Variants in LRP1B observed in about 807,000 individuals in gnomAD.
The protein encoded by LRP1B is LDL receptor related protein 1B.
A neutral mutation model predicts 556.6 loss-of-function variants in LRP1B; 217 were observed. The ratio of observed to expected loss-of-function variants is 0.39; its 90% CI spans 0.35 to 0.44. The LOEUF (loss-of-function observed/expected upper bound fraction) is 0.44. Among genes scored for constraint, LRP1B ranks in the 20% least tolerant of loss-of-function variants. The pLI is 1.00. For synonymous variants in LRP1B, 2,047 were observed against 1,865.8 expected (o/e 1.10, Z -2.50); for missense variants, 5,053 against 5,620.8 (o/e 0.90, Z 3.23).
At position 140,252,062 on chromosome 2, in the gene LRP1B, CAAAAAAAAAA is replaced by C; in HGVS notation, c.13248-4910_13248-4901del. Reference sequence around the variant, plus strand: ...TTGCAGATAGTAGCATGACAAGATGCAAAAAAAAAAAAAAAAAAAAAAAAAAACCCAAAAA... The same window carrying C: ...TTGCAGATAGTAGCATGACAAGATGCAAAAAAAAAAAAAAAAACCCAAAAA... On this transcript the variant is annotated intron_variant, in intron 86 of 90. Coordinates refer to ENST00000389484, the MANE Select transcript of LRP1B (RefSeq NM_018557.3). 3.1e-3 allele frequency among the ~76,000 whole-genome samples: 57 copies of C among 18,562 alleles called. 1 individual carries two copies. Among genetic ancestry groups the C allele is most frequent in the Admixed American group, 7.3e-3 (7 of 954 alleles). 12.2% of individuals were successfully genotyped at this position (18,562 alleles called of 152,430 possible).
chr2:140,576,568 A>G (rs1681534045), intron 43 of LRP1B, among the ~76,000 whole-genome samples: 1 of 152,178 alleles, frequency 6.6e-6, no homozygotes, highest in African/African-American at 2.4e-5. Context: ...ACTTTTATTC[A>G]CCATATATAA....
At chr2:140,313,531 C>A (rs1684394241) in intron 83 of LRP1B, among the ~76,000 whole-genome samples, 1 of 149,934 alleles carries the variant, frequency 6.7e-6, no homozygotes, top group Non-Finnish European at 1.5e-5. Flanking sequence ...TTTACTTGGC[C>A]TAAATATTTC....
At chr2:142,025,000 T>A (rs16847940) in intron 1 of LRP1B, among the ~76,000 whole-genome samples, 2,928 of 152,264 alleles carry the variant, frequency 0.019, 93 homozygotes, top group African/African-American at 0.066. Flanking sequence ...TAGTTTAATA[T>A]AACATTAGGT....
At chr2:142,098,297 C>A (rs1369808188) in intron 1 of LRP1B, among the ~76,000 whole-genome samples, 2 of 151,730 alleles carry the variant, frequency 1.3e-5, no homozygotes, top group Admixed American at 1.3e-4. Context: ...AATCTTAAAT[C>A]TTTGTTGATG....
intron 41 of LRP1B, among the ~76,000 whole-genome samples, chr2:140,695,137 G>A (rs1018660353): frequency 6.6e-6 from 1 of 151,396 alleles, no homozygotes; most frequent in African/African-American, 2.4e-5. Flanking sequence ...TTGAATTTGA[G>A]CATCCTAAAG....
At chr2:141,294,447 G>C (rs1686101415) in intron 3 of LRP1B, among the ~76,000 whole-genome samples, 1 of 151,984 alleles carries the variant, frequency 6.6e-6, no homozygotes, top group Non-Finnish European at 1.5e-5. Flanking sequence ...AACAGGTTGG[G>C]TGCTGTGGCT....
At chr2:141,973,357 G>A (rs969242489) in intron 1 of LRP1B, among the ~76,000 whole-genome samples, 1 of 151,676 alleles carries the variant, frequency 6.6e-6, no homozygotes, top group Non-Finnish European at 1.5e-5. Context: ...AGAGTAATAC[G>A]AAATAGGCAG....
rs188747440 is a variant in LRP1B, at chr2:140,650,559, G to C, written c.6800-48920C>G. Among the ~76,000 whole-genome samples, 3 of 152,108 alleles carry C rather than the reference G, an allele frequency of 2.0e-5. No homozygotes were observed. In the East Asian group the frequency reaches 5.8e-4, roughly 29 times the overall value. ...AGACGGTGTTTCACCATGTTGGCCA[G>C]GTTGGTCTCAAACTCCTGAACTCAG... On this transcript the variant is annotated intron_variant, in intron 41 of 90. Coordinates refer to ENST00000389484, the MANE Select transcript of LRP1B (RefSeq NM_018557.3).
At chr2:140,253,148 T>C (rs1248608434) in intron 86 of LRP1B, among the ~76,000 whole-genome samples, 2 of 152,036 alleles carry the variant, frequency 1.3e-5, no homozygotes, top group Admixed American at 6.6e-5. Context: ...TTCAACTCTA[T>C]AATACACTAA....
At chr2:141,228,711 A>C (rs537424143) in intron 6 of LRP1B, among the ~76,000 whole-genome samples, 1 of 152,246 alleles carries the variant, frequency 6.6e-6, no homozygotes, top group East Asian at 1.9e-4. Flanking sequence ...ACAAATCACA[A>C]GTTTTTTGGA....
intron 7 of LRP1B, among the ~76,000 whole-genome samples, chr2:141,181,367 T>C (rs1182062152): frequency 1.3e-5 from 2 of 151,914 alleles, no homozygotes; most frequent in South Asian, 2.1e-4. Flanking sequence ...CCGAACTATA[T>C]GTAGTTGTTT....
intron 3 of LRP1B, among the ~76,000 whole-genome samples, chr2:141,340,499 A>G (rs1688017922): frequency 6.6e-6 from 1 of 152,186 alleles, no homozygotes. Flanking sequence ...CAATTCTTAT[A>G]AAAGCAAAAA....
intron 2 of LRP1B, among the ~76,000 whole-genome samples, chr2:141,692,363 A>T: frequency 6.6e-6 from 1 of 151,988 alleles, no homozygotes. Context: ...ACTACTGTGA[A>T]TTCCCTATGT....
chr2:141,016,714 CACATGTGTTGT>C (rs1276747298), intron 12 of LRP1B, among the ~76,000 whole-genome samples: 4 of 151,990 alleles, frequency 2.6e-5, no homozygotes, highest in African/African-American at 7.2e-5. Context: ...TAAAACCCAC[CACATGTGTTGT>C]TTTAGGGTCA....
intron 41 of LRP1B, among the ~76,000 whole-genome samples, chr2:140,628,550 A>AAAT (rs1444735324): frequency 6.6e-6 from 1 of 151,676 alleles, no homozygotes; most frequent in East Asian, 1.9e-4. Flanking sequence ...AAAAAAAAAA[A>AAAT]AATTATGTCT....
intron 32 of LRP1B, among the ~76,000 whole-genome samples, chr2:140,781,440 CCTTT>C (rs757688548): frequency 5.3e-5 from 8 of 152,298 alleles, no homozygotes; most frequent in Non-Finnish European, 7.4e-5. Flanking sequence ...TACTAAGACT[CCTTT>C]CTAATTCCAG....
chr2:141,133,668 T>C (rs1701418609), intron 7 of LRP1B, among the ~76,000 whole-genome samples: 2 of 152,028 alleles, frequency 1.3e-5, no homozygotes, highest in African/African-American at 4.8e-5. Context: ...TACAAAGCCA[T>C]TAATAACTTA....
intron 55 of LRP1B, among the ~76,000 whole-genome samples, chr2:140,497,979 G>T (rs1689021752): frequency 6.6e-6 from 1 of 151,668 alleles, no homozygotes; most frequent in African/African-American, 2.4e-5. Context: ...TTCTCAATCT[G>T]TTAATCTATT....
intron 1 of LRP1B, among the ~76,000 whole-genome samples, chr2:142,047,664 G>A (rs1302139823): frequency 6.6e-6 from 1 of 151,814 alleles, no homozygotes; most frequent in Non-Finnish European, 1.5e-5. Context: ...TTTTCCTATT[G>A]GTAGGTGTGG....
Sources: allele counts gnomAD v4.1 joint callset (sites outside exome capture counted in the v4.1 genomes callset), GRCh38; gene constraint gnomAD v4.1.1; transcripts MANE v1.5; gene names NCBI Gene and HGNC (gene_info 2026-07-23, HGNC 2026-07-21).